The following BTBD9 variants were observed in gnomAD, a reference collection of about 807,000 sequenced individuals.
BTBD9 encodes BTB domain containing 9.
BTBD9 carries 49 observed loss-of-function variants against 64.3 expected under a neutral mutation model. The ratio of observed to expected loss-of-function variants is 0.76; its 90% CI spans 0.61 to 0.97. BTBD9 has a LOEUF of 0.97. BTBD9 is among the 50% of genes least tolerant of loss of function. The pLI, the probability that BTBD9 is intolerant of heterozygous loss-of-function variation, is 0.00. For missense variants in BTBD9, 598 were observed against 762.1 expected, an observed-to-expected ratio of 0.78 and a Z score of 2.53; for synonymous variants, 260 against 274.7, an observed-to-expected ratio of 0.95 and a Z score of 0.53.
intron 6 of BTBD9, among the ~76,000 whole-genome samples, chr6:38,354,008 T>C (rs1764623084): frequency 6.6e-6 from 1 of 152,150 alleles, no homozygotes; most frequent in Admixed American, 6.5e-5. Flanking sequence ...CCTTTTTTTT[T>C]CTTTTAGAGT....
At chr6:38,631,529 T>C (rs750947494) in intron 1 of BTBD9, among the ~76,000 whole-genome samples, 4 of 152,180 alleles carry the variant, frequency 2.6e-5, no homozygotes, top group African/African-American at 4.8e-5. Flanking sequence ...CTCCTTGCTC[T>C]CTCTTGCATC....
intron 9 of BTBD9, among the ~76,000 whole-genome samples, chr6:38,245,146 A>T (rs1053714213): frequency 3.9e-5 from 6 of 152,222 alleles, no homozygotes; most frequent in Non-Finnish European, 8.8e-5. Context: ...ACTACTATGG[A>T]TCAAAGAGTG....
At chr6:38,237,549 T>C (rs925302808) in intron 9 of BTBD9, among the ~76,000 whole-genome samples, 1 of 152,184 alleles carries the variant, frequency 6.6e-6, no homozygotes, top group African/African-American at 2.4e-5. Flanking sequence ...TAAAATCACA[T>C]GATATCACAA....
rs139778603 is a variant in BTBD9, at chr6:38,400,433, C to T, written c.1155-55340G>A. Among the ~76,000 whole-genome samples the T allele has an allele frequency of 5.3e-3, 807 of 152,278 alleles. 8 individuals are homozygous for T. The highest frequency in any genetic ancestry group is 0.018 in the African/African-American group (764 of 41,544). ...ACTAATCTGAAAAATCACTCAATGT[C>T]CTCTAAGGGCCAAACCCCATGGCCT... On this transcript the variant is annotated intron_variant, in intron 6 of 10. Coordinates refer to ENST00000481247, the MANE Select transcript of BTBD9 (RefSeq NM_001099272.2).
At chr6:38,425,317 G>A (rs1768097124) in intron 6 of BTBD9, among the ~76,000 whole-genome samples, 1 of 150,822 alleles carries the variant, frequency 6.6e-6, no homozygotes, top group Non-Finnish European at 1.5e-5. Context: ...TTTTGGCCAG[G>A]CTGGTCTCAA....
At chr6:38,562,888 A>G (rs916642317) in intron 6 of BTBD9, among the ~76,000 whole-genome samples, 1 of 152,106 alleles carries the variant, frequency 6.6e-6, no homozygotes, top group African/African-American at 2.4e-5. Context: ...TAAAGTATAC[A>G]TTTCCTTCTT....
At chr6:38,577,507 C>CT in intron 6 of BTBD9, 93 bp downstream of exon 6, 2 of 1,312,712 alleles carry the variant, frequency 1.5e-6, no homozygotes, top group Non-Finnish European at 2.1e-6. Flanking sequence ...CTGAATAACT[C>CT]TTTTTTCAAG....
At chr6:38,569,869 T>TA (rs143265608) in intron 6 of BTBD9, among the ~76,000 whole-genome samples, 32 of 141,318 alleles carry the variant, frequency 2.3e-4, no homozygotes, top group East Asian at 6.3e-4. Context: ...ATTTCCCAAC[T>TA]AAAAAAAAAA....
At chr6:38,386,834 G>T (rs552702812) in intron 6 of BTBD9, among the ~76,000 whole-genome samples, 1 of 151,818 alleles carries the variant, frequency 6.6e-6, no homozygotes, top group Non-Finnish European at 1.5e-5. Flanking sequence ...GTAAAGACAG[G>T]GTTTCACCAT....
At chr6:38,609,818 G>T (rs747332614) in intron 1 of BTBD9, among the ~76,000 whole-genome samples, 1 of 152,112 alleles carries the variant, frequency 6.6e-6, no homozygotes, top group African/African-American at 2.4e-5. Flanking sequence ...CTGTTCCTTA[G>T]AATTTCATCA....
intron 4 of BTBD9, among the ~76,000 whole-genome samples, chr6:38,581,332 G>A (rs1776276414): frequency 6.6e-6 from 1 of 152,126 alleles, no homozygotes; most frequent in African/African-American, 2.4e-5. Flanking sequence ...TTCCAATATA[G>A]CATAGCTGTT....
At chr6:38,374,162 G>A (rs924282551) in intron 6 of BTBD9, among the ~76,000 whole-genome samples, 48 of 149,924 alleles carry the variant, frequency 3.2e-4, no homozygotes, top group African/African-American at 1.1e-3. Context: ...CCAGTTACTT[G>A]GGAGGCTGAG....
At chr6:38,206,221 ATT>A (rs548444182) in intron 9 of BTBD9, among the ~76,000 whole-genome samples, 1 of 146,430 alleles carries the variant, frequency 6.8e-6, no homozygotes. Flanking sequence ...AAACTAAGCA[ATT>A]TTTTTTTTTT....
intron 6 of BTBD9, among the ~76,000 whole-genome samples, chr6:38,528,372 C>A (rs1436948245): frequency 6.6e-6 from 1 of 152,148 alleles, no homozygotes. Flanking sequence ...AATGTCTATG[C>A]AAGTCCTGGT....
intron 7 of BTBD9, among the ~76,000 whole-genome samples, chr6:38,314,747 A>G (rs1200504522): frequency 6.6e-6 from 1 of 152,108 alleles, no homozygotes; most frequent in African/African-American, 2.4e-5. Context: ...CATTTCCTCT[A>G]GGTTTTCCAA....
Position 38,565,925 on chromosome 6 carries a change from T to A in BTBD9, c.1154+11675A>T, listed in dbSNP as rs566728736. The A allele has an allele frequency of 2.0e-5, 3 of 152,302 alleles. No homozygotes were observed. In the East Asian group the frequency reaches 5.8e-4, roughly 29 times the overall value. 9.4% of individuals were successfully genotyped at this position (152,302 alleles called of 1,614,324 possible). On this transcript the variant is annotated intron_variant, in intron 6 of 10. Coordinates refer to ENST00000481247, the MANE Select transcript of BTBD9 (RefSeq NM_001099272.2). ...AAGCAACAATACATTTAGAACACTT[T>A]GCTATTGTTTAAAAGGATAAAGTAG...
intron 6 of BTBD9, among the ~76,000 whole-genome samples, chr6:38,371,673 C>A (rs891556270): frequency 6.6e-6 from 1 of 152,176 alleles, no homozygotes; most frequent in Non-Finnish European, 1.5e-5. Context: ...AATAATAAAT[C>A]TCTCAGCTTC....
intron 7 of BTBD9, among the ~76,000 whole-genome samples, chr6:38,313,263 G>C (rs1451597660): frequency 6.6e-6 from 1 of 152,158 alleles, no homozygotes; most frequent in African/African-American, 2.4e-5. Flanking sequence ...GAATTGATCA[G>C]TTCTAATAAT....
At chr6:38,266,655 AAAGAAAGAAAGAAAGAAAGAAAG>A (rs1276769172) in intron 8 of BTBD9, among the ~76,000 whole-genome samples, 14 of 137,826 alleles carry the variant, frequency 1.0e-4, no homozygotes, top group African/African-American at 3.4e-4. Flanking sequence ...AGAAAGAAAG[AAAGAAAGAAAGAAAGAAAGAAAG>A]AAGAAAAAGA....
Sources: gnomAD v4.1 joint callset for allele counts (sites outside exome capture counted in the v4.1 genomes callset) on GRCh38, gnomAD v4.1.1 for gene constraint, MANE v1.5 for transcripts, NCBI Gene and HGNC (gene_info 2026-07-23, HGNC 2026-07-21) for gene names.